CERS6: variants seen among roughly 807,000 people sequenced by gnomAD.
CERS6 encodes the protein LAG1 homolog, ceramide synthase 6.
In CERS6, 26 loss-of-function variants were observed where a neutral mutation model predicts 56.8. That is an observed-to-expected ratio of 0.46 (90% CI 0.34 to 0.63). CERS6 has a LOEUF of 0.63. CERS6 is among the 30% of genes least tolerant of loss of function. CERS6 has a pLI of 0.01. For synonymous variants in CERS6, 164 were observed against 173.3 expected, an observed-to-expected ratio of 0.95 and a Z score of 0.42; for missense variants, 415 against 467.5, an observed-to-expected ratio of 0.89 and a Z score of 1.04.
At chr2:168,492,336 A>G (rs1361386811) in intron 1 of CERS6, among the ~76,000 whole-genome samples, 1 of 152,098 alleles carries the variant, frequency 6.6e-6, no homozygotes, top group African/African-American at 2.4e-5. Context: ...ATGGTATCTC[A>G]TTGTGGTTTT....
At chr2:168,707,809 C>T (rs538264212) in intron 6 of CERS6, among the ~76,000 whole-genome samples, 8 of 151,978 alleles carry the variant, frequency 5.3e-5, no homozygotes, top group Non-Finnish European at 1.2e-4. Flanking sequence ...GTCTTAAGAC[C>T]CTACACAATT....
At chr2:168,728,646 G>A (rs1291414487) in intron 8 of CERS6, among the ~76,000 whole-genome samples, 1 of 151,546 alleles carries the variant, frequency 6.6e-6, no homozygotes, top group East Asian at 1.9e-4. Flanking sequence ...ATATTGAGAA[G>A]GGAGAACAGA....
intron 8 of CERS6, among the ~76,000 whole-genome samples, chr2:168,723,683 G>C (rs917645234): frequency 6.6e-6 from 1 of 152,138 alleles, no homozygotes; most frequent in East Asian, 1.9e-4. Context: ...GAATAATCTT[G>C]TTAATACTGT....
At chr2:168,703,707 G>A (rs1686862418) in intron 6 of CERS6, among the ~76,000 whole-genome samples, 1 of 152,104 alleles carries the variant, frequency 6.6e-6, no homozygotes, top group African/African-American at 2.4e-5. Context: ...TTCTCTCCTT[G>A]TAACCTCACT....
At chr2:168,726,787 G>A (rs904270811) in intron 8 of CERS6, among the ~76,000 whole-genome samples, 4 of 152,124 alleles carry the variant, frequency 2.6e-5, no homozygotes, top group Non-Finnish European at 1.5e-5. Flanking sequence ...TCCCATTATA[G>A]CCAAGTGGTC....
intron 1 of CERS6, among the ~76,000 whole-genome samples, chr2:168,492,387 T>A (rs973444945): frequency 6.6e-6 from 1 of 152,210 alleles, no homozygotes; most frequent in Non-Finnish European, 1.5e-5. Context: ...TGAGCTCTTT[T>A]TCATGTTTGT....
At chr2:168,543,261 C>G (rs556375312) in intron 1 of CERS6, among the ~76,000 whole-genome samples, 1 of 152,148 alleles carries the variant, frequency 6.6e-6, no homozygotes, top group African/African-American at 2.4e-5. Context: ...GTGTTGCCGC[C>G]TTTGATTAAA....
At chr2:168,546,482 T>A (rs1475289756) in intron 1 of CERS6, among the ~76,000 whole-genome samples, 1 of 152,230 alleles carries the variant, frequency 6.6e-6, no homozygotes, top group African/African-American at 2.4e-5. Flanking sequence ...TCTTCACTTT[T>A]ACTTGAAATA....
At chr2:168,596,546 TCCC>T (rs368692828) in intron 3 of CERS6, among the ~76,000 whole-genome samples, 4 of 106,350 alleles carry the variant, frequency 3.8e-5, no homozygotes, top group African/African-American at 1.4e-4. Flanking sequence ...CAGGGCCCCA[TCCC>T]CCCCCCTTTT....
chr2:168,770,613 TG>T lies in CERS6; in HGVS notation c.*955del, dbSNP rs766803678. ...ATAAAAGAAAGAAGTTAACTATATT[TG>T]GGGACAAAAAAATATTTCAAGAGTT... On this transcript the variant is annotated 3_prime_UTR_variant, in exon 10 of 10. Transcript: ENST00000305747. 7.3e-4 allele frequency: 112 copies of T among 152,538 alleles called. 3 individuals carry two copies. Among genetic ancestry groups the T allele is most frequent in the Non-Finnish European group, 2.1e-4 (14 of 68,018 alleles). 9.4% of individuals were successfully genotyped at this position (152,538 alleles called of 1,614,324 possible).
chr2:168,496,879 A>G (rs369741339), intron 1 of CERS6, among the ~76,000 whole-genome samples: 2 of 152,178 alleles, frequency 1.3e-5, no homozygotes, highest in Non-Finnish European at 2.9e-5. Context: ...AGTTTGATGT[A>G]CCTAGTCTAA....
intron 3 of CERS6, among the ~76,000 whole-genome samples, chr2:168,597,109 C>T (rs1434496187): frequency 1.3e-5 from 2 of 152,080 alleles, no homozygotes; most frequent in East Asian, 1.9e-4. Flanking sequence ...GTGTCAGGCC[C>T]CTATTGACTT....
At chr2:168,648,632 T>C (rs1685262369) in intron 4 of CERS6, among the ~76,000 whole-genome samples, 1 of 152,242 alleles carries the variant, frequency 6.6e-6, no homozygotes, top group African/African-American at 2.4e-5. Context: ...TAATTTTAGA[T>C]CTTTCCAACT....
intron 3 of CERS6, among the ~76,000 whole-genome samples, chr2:168,608,991 A>G (rs75255349): frequency 0.019 from 2,868 of 152,314 alleles, 130 homozygotes; most frequent in East Asian, 0.18. Flanking sequence ...ACCTCTTTAG[A>G]TAGTTTGAAT....
chr2:168,520,400 GT>G (rs1694955406), intron 1 of CERS6, among the ~76,000 whole-genome samples: 1 of 151,870 alleles, frequency 6.6e-6, no homozygotes, highest in African/African-American at 2.4e-5. Context: ...TCTATTGATA[GT>G]TTCTTTTGCT....
At chr2:168,643,421 T>C (rs1157259087) in intron 4 of CERS6, among the ~76,000 whole-genome samples, 1 of 152,194 alleles carries the variant, frequency 6.6e-6, no homozygotes, top group Non-Finnish European at 1.5e-5. Flanking sequence ...GCCAGTTGTT[T>C]GACTTTAGAG....
intron 4 of CERS6, among the ~76,000 whole-genome samples, chr2:168,655,934 C>G (rs1014419604): frequency 6.6e-6 from 1 of 152,166 alleles, no homozygotes; most frequent in Non-Finnish European, 1.5e-5. Flanking sequence ...TTGTAGTAAC[C>G]ATTTTACTGT....
At chr2:168,725,341 C>T (rs1683319960) in intron 8 of CERS6, among the ~76,000 whole-genome samples, 1 of 152,272 alleles carries the variant, frequency 6.6e-6, no homozygotes, top group Admixed American at 6.5e-5. Context: ...CAGAAAGGGG[C>T]TCCCACAGTG....
chr2:168,627,806 A>C (rs143389638), intron 3 of CERS6, among the ~76,000 whole-genome samples: 1 of 151,750 alleles, frequency 6.6e-6, no homozygotes, highest in African/African-American at 2.4e-5. Flanking sequence ...AAACAGCTAT[A>C]ATTAGATTTG....
Sources: gnomAD v4.1 joint callset for allele counts (sites outside exome capture counted in the v4.1 genomes callset) on GRCh38, gnomAD v4.1.1 for gene constraint, MANE v1.5 for transcripts, NCBI Gene and HGNC (gene_info 2026-07-23, HGNC 2026-07-21) for gene names.